Variants in SUPT6H observed in about 807,000 individuals in gnomAD.
SUPT6H encodes SPT6 homolog, histone chaperone and transcription elongation factor.
A neutral mutation model predicts 222.3 loss-of-function variants in SUPT6H; 11 were observed. That is an observed-to-expected ratio of 0.05 (90% confidence interval 0.03 to 0.08). The LOEUF is 0.08. Among genes scored for constraint, SUPT6H ranks in the 10% least tolerant of loss-of-function variants. The pLI is 1.00. For synonymous variants in SUPT6H, 762 were observed against 801.2 expected, an observed-to-expected ratio of 0.95 and a Z score of 0.83; for missense variants, 1,422 against 2,216.0, an observed-to-expected ratio of 0.64 and a Z score of 7.19.
chr17:28,695,538 C>G lies in SUPT6H; in HGVS notation c.3961C>G (p.Gln1321Glu). 6.2e-7 allele frequency: 1 copy of G among 1,613,412 alleles called. No individual in the cohort carries two copies. The highest frequency in any genetic ancestry group is 8.5e-7 in the Non-Finnish European group (1 of 1,179,762). The change falls in exon 29 of 37, where the codon CAG becomes GAG. Residue 1321 changes from glutamine to glutamate, a missense_variant. Gln to Glu is a conservative substitution (Grantham distance 29, BLOSUM62 2). Around this residue, in one of 13 missense-constraint regions of SUPT6H, gnomAD observed 395 missense variants for 580.6 expected, o/e 0.68. Transcript: ENST00000314616. ...KQEEDMKRKQ[Q>E]RTTYIKRVIA... ...GGAGGAGGACATGAAGCGGAAGCAG[C>G]AGCGGACCAGTGAGTGTGCCTCCCA...
Position 28,687,199 on chromosome 17 carries a change from C to G in SUPT6H, c.2812C>G (p.Leu938Val). Residue 938 changes from leucine (L) to valine (V), a missense_variant, in exon 22 of 37, where the codon CTG (leucine) becomes GTG (valine). Around this residue, in one of 13 missense-constraint regions of SUPT6H, gnomAD observed 294 missense variants for 382.1 expected, o/e 0.77. Coordinates refer to ENST00000314616, the MANE Select transcript of SUPT6H (RefSeq NM_003170.5). ...GGTGTGCAGTTCCGATGAAGACATC[C>G]TGTGTCTCAAGTTTCACCCCTTGCA... ...AQVCSSDEDILCLKFHPLQEH... is the reference protein window; with the variant it reads ...AQVCSSDEDIVCLKFHPLQEH... 1.2e-6 allele frequency: 2 copies of G among 1,614,170 alleles called. No individual in the cohort carries two copies. The highest frequency in any genetic ancestry group is 1.7e-6 in the Non-Finnish European group (2 of 1,180,038).
chr17:28,675,027 T>C lies in SUPT6H; in HGVS notation c.403T>C (p.Tyr135His). ...TGACGAGGACGATGACGAGGAGGAATATGGCAAGGAGGAACATGAAAAAGA... is the reference window on the plus strand; with the variant it reads ...TGACGAGGACGATGACGAGGAGGAACATGGCAAGGAGGAACATGAAAAAGA... ...SDDEDDDEEE[Y>H]GKEEHEKEAI... The change falls in exon 5 of 37, where the codon TAT (tyrosine) becomes CAT (histidine). Residue 135 changes from tyrosine (Y) to histidine (H), a missense_variant. This residue lies in a region of SUPT6H where 389 missense variants were observed against 544.6 expected (regional missense o/e 0.71). Transcript: ENST00000314616. The C allele has an allele frequency of 1.2e-6, 2 of 1,613,930 alleles. No homozygotes were observed. The highest frequency in any genetic ancestry group is 1.7e-4 in the Middle Eastern group (1 of 6,060).
chr17:28,686,000 G>A (rs988082427), intron 19 of SUPT6H, among the ~76,000 whole-genome samples: 2 of 152,236 alleles, frequency 1.3e-5, no homozygotes, highest in Non-Finnish European at 2.9e-5. Flanking sequence ...AAAGAGGGCA[G>A]CTACTAGTTC....
In SUPT6H at chr17:28,686,905, CA is replaced by C. The variant is rs1597708400; in HGVS notation, c.2700+117del. The C allele has an allele frequency of 2.7e-6, 4 of 1,478,650 alleles. No individual in the cohort carries two copies. The East Asian group carries it at 9.2e-5, about 34-fold the overall frequency. The allele number at this position is 1,478,650 out of a possible 1,614,324, so 91.6% of individuals were successfully genotyped here. A position where few individuals can be genotyped will look rare whatever the true frequency, so the allele number is the denominator to read the frequency against. ...ACAGGACTGTACCTGTGTACTTATC[CA>C]TGCAGAAGTTCTCCGTTTTGCAGTT... On this transcript the variant is annotated intron_variant, in intron 21 of 36. Coordinates refer to ENST00000314616, the MANE Select transcript of SUPT6H (RefSeq NM_003170.5).
At position 28,699,923 on chromosome 17, in the gene SUPT6H, C is replaced by T. The variant is rs775243580; in HGVS notation, c.4561+30C>T. 2.3e-5 allele frequency: 36 copies of T among 1,598,058 alleles called. 1 individual carries two copies. In the Admixed American group the frequency reaches 4.5e-4, roughly 20 times the overall value. On this transcript the variant is annotated intron_variant, in intron 33 of 36. Coordinates refer to ENST00000314616, the MANE Select transcript of SUPT6H (RefSeq NM_003170.5). ...GTTCTGCTCTTCCTGACTTCAGGGA[C>T]GTGGCTGGAGGAACACCTAGGACCT...
chr17:28,666,389 G>C (rs2030013393), intron 1 of SUPT6H, among the ~76,000 whole-genome samples: 1 of 152,194 alleles, frequency 6.6e-6, no homozygotes, highest in Non-Finnish European at 1.5e-5. Context: ...CCCTGTGCTA[G>C]AGCAGGAACT....
At chr17:28,693,000 CAAAAA>C (rs1249471749) in intron 27 of SUPT6H, among the ~76,000 whole-genome samples, 2 of 84,416 alleles carry the variant, frequency 2.4e-5, no homozygotes, top group Non-Finnish European at 2.5e-5. Flanking sequence ...GACTCTGTCT[CAAAAA>C]AAAAAAAAAA....
Position 28,686,671 on chromosome 17 carries a change from T to C in SUPT6H, c.2582T>C (p.Ile861Thr), listed in dbSNP as rs367785183. The change falls in exon 21 of 37, where the codon ATT becomes ACT. Residue 861 changes from isoleucine to threonine, a missense_variant. Ile to Thr is a moderately conservative substitution (Grantham distance 89). Transcript: ENST00000314616. ...AGENRDAQML[I>T]EDVKRIVHEL... ...CCCACCAGGGACGCCCAGATGTTGA[T>C]TGAAGATGTGAAGCGCATTGTACAT... 28 of 1,600,376 alleles carry C rather than the reference T, an allele frequency of 1.7e-5. No homozygotes were observed. The highest frequency in any genetic ancestry group is 3.3e-4 in the Middle Eastern group (2 of 6,024).
At position 28,699,909 on chromosome 17, in the gene SUPT6H, C is replaced by G. The variant is rs747365996; in HGVS notation, c.4561+16C>G. ...CCTGTACCAGGTGAGTTCTGCTCTT[C>G]CTGACTTCAGGGACGTGGCTGGAGG... On this transcript the variant is annotated intron_variant, in intron 33 of 36. Transcript: ENST00000314616. 8 of 1,609,774 alleles carry G rather than the reference C, an allele frequency of 5.0e-6. No homozygotes were observed. Among genetic ancestry groups the G allele is most frequent in the Admixed American group, 1.7e-5 (1 of 60,022 alleles).
intron 28 of SUPT6H, 195 bp from the exon 29 acceptor site, chr17:28,695,157 C>T (rs556399369): frequency 7.0e-5 from 41 of 582,512 alleles, no homozygotes; most frequent in Admixed American, 1.5e-4. Context: ...GGCATTAGTG[C>T]AGGGCTTGGC....
intron 15 of SUPT6H, 56 bp downstream of exon 15, chr17:28,683,148 C>T (rs2031203982): frequency 2.6e-6 from 4 of 1,561,418 alleles, no homozygotes; most frequent in South Asian, 1.2e-5. Context: ...TCTTTGATTG[C>T]CTGAGTTTCT....
chr17:28,684,003 T>A (rs1163424611), intron 17 of SUPT6H, among the ~76,000 whole-genome samples, 187 bp downstream of exon 17: 3 of 151,948 alleles, frequency 2.0e-5, no homozygotes, highest in Non-Finnish European at 2.9e-5. Context: ...GCCCAGCTAA[T>A]TTTTTATATT....
rs747863276 is a variant in SUPT6H at position 28,700,348 on chromosome 17, C to A, written c.4642C>A (p.Leu1548Met). 3.1e-6 allele frequency: 5 copies of A among 1,614,184 alleles called. No individual in the cohort carries two copies. Among genetic ancestry groups the A allele is most frequent in the Non-Finnish European group, 4.2e-6 (5 of 1,180,008 alleles). ...TCCCCACCTCTGTGTGCTTACAGAT[C>A]TGACACGGGCTGTGAATGCCCTGCC... ...ATPANINLAD[L>M]TRAVNALPQN... Residue 1548 changes from leucine (L) to methionine (M), a missense_variant and splice_region_variant, in exon 35 of 37, where the codon CTG becomes ATG. Physicochemically the swap from Leu to Met is conservative, Grantham distance 15. This residue lies in a region of SUPT6H where 395 missense variants were observed against 580.6 expected (regional missense o/e 0.68). Coordinates refer to ENST00000314616, the MANE Select transcript of SUPT6H (RefSeq NM_003170.5).
At chr17:28,672,821 G>C (rs1407914835) in intron 1 of SUPT6H, 1 of 152,154 alleles carries the variant, frequency 6.6e-6, no homozygotes, top group Non-Finnish European at 1.5e-5. Flanking sequence ...TCCTGCCTCA[G>C]CCTCCTGAGT....
chr17:28,700,879 A>G (rs1467355247), intron 35 of SUPT6H, 62 bp from the exon 36 acceptor site: 2 of 1,546,542 alleles, frequency 1.3e-6, no homozygotes, highest in Admixed American at 3.7e-5. Context: ...CTTACCCAGA[A>G]TTCACAGCAA....
chr17:28,680,681 T>A (rs1311166284), intron 11 of SUPT6H, among the ~76,000 whole-genome samples: 1 of 152,136 alleles, frequency 6.6e-6, no homozygotes, highest in Non-Finnish European at 1.5e-5. Context: ...GAGAGGAGTC[T>A]CACTCTGTCG....
At chr17:28,685,608 C>T (rs2031343895) in intron 19 of SUPT6H, among the ~76,000 whole-genome samples, 3 of 152,034 alleles carry the variant, frequency 2.0e-5, no homozygotes, top group Admixed American at 2.0e-4. Context: ...TCCTGCCTTC[C>T]AAGTAGCTGG....
In SUPT6H at chr17:28,683,280, G is replaced by T; in HGVS notation, c.1891G>T (p.Ala631Ser). Residue 631 changes from alanine to serine, a missense_variant, in exon 16 of 37, where the codon GCC becomes TCC. This residue lies in a region of SUPT6H where 121 missense variants were observed against 158.0 expected (regional missense o/e 0.77). Coordinates refer to ENST00000314616, the MANE Select transcript of SUPT6H (RefSeq NM_003170.5). ...TKKGRKDVDE[A>S]HYAYSFKYLK... ...TTCATGTGTGCAGGATGTGGATGAGGCCCACTATGCCTATTCCTTCAAGTA... is the reference window on the plus strand; with the variant it reads ...TTCATGTGTGCAGGATGTGGATGAGTCCCACTATGCCTATTCCTTCAAGTA... 2.5e-6 allele frequency: 4 copies of T among 1,614,138 alleles called. No homozygotes were observed. Among genetic ancestry groups the T allele is most frequent in the Non-Finnish European group, 3.4e-6 (4 of 1,180,006 alleles).
rs2032152043 is a variant in SUPT6H at position 28,701,913 on chromosome 17, AAC to A, written c.*290_*291del. ...GGAAGAGGAAGGTGAGAATGAGTAGAACAGTTTTGTATTCTACTCCCTACAAG... is the reference window on the plus strand; with the variant it reads ...GGAAGAGGAAGGTGAGAATGAGTAGAAGTTTTGTATTCTACTCCCTACAAG... On this transcript the variant is annotated 3_prime_UTR_variant, in exon 37 of 37. Transcript: ENST00000314616. 1 of 439,906 alleles carries A rather than the reference AAC, an allele frequency of 2.3e-6. No individual in the cohort carries two copies. The highest frequency in any genetic ancestry group is 1.9e-5 in the African/African-American group (1 of 51,346). The allele number at this position is 439,906 out of a possible 1,614,324, so 27.3% of individuals were successfully genotyped here. A position where few individuals can be genotyped will look rare whatever the true frequency, so the allele number is the denominator to read the frequency against.
Sources: gnomAD v4.1 joint callset for allele counts (sites outside exome capture counted in the v4.1 genomes callset) on GRCh38, gnomAD v4.1.1 for gene constraint, gnomAD v4.1.1 regional missense constraint, MANE v1.5 for transcripts, NCBI Gene and HGNC (gene_info 2026-07-23, HGNC 2026-07-21) for gene names.